LARS1: variants seen among roughly 807,000 people sequenced by gnomAD.
LARS1 encodes the protein leucine--tRNA ligase, cytoplasmic.
Under a neutral mutation model 162.8 loss-of-function variants are expected in LARS1, and 100 were observed. The ratio of observed to expected loss-of-function variants is 0.61; its 90% CI spans 0.52 to 0.73. The LOEUF is 0.73. LARS1 is among the 30% of genes least tolerant of loss of function. The pLI is 0.00. For missense variants in LARS1, 1,258 were observed against 1,408.9 expected (o/e 0.89, Z 1.71); for synonymous variants, 457 against 462.8 (o/e 0.99, Z 0.16).
intron 10 of LARS1, among the ~76,000 whole-genome samples, chr5:146,155,751 C>G (rs111692587): frequency 6.6e-6 from 1 of 152,176 alleles, no homozygotes; most frequent in South Asian, 2.1e-4. Context: ...ATGTCCCTCA[C>G]GCCAGAATTT....
At chr5:146,131,497 T>G (rs201774807) in intron 23 of LARS1, 67,879 of 131,018 alleles carry the variant, frequency 0.52, 15,160 homozygotes, top group East Asian at 0.71. Context: ...TTTTTTTTTT[T>G]TTTTTTTTTT....
chr5:146,174,288 C>T (rs1405070739), intron 2 of LARS1, among the ~76,000 whole-genome samples: 1 of 149,010 alleles, frequency 6.7e-6, no homozygotes, highest in Non-Finnish European at 1.5e-5. Context: ...TCTAGTAAAA[C>T]TACAAAATTA....
chr5:146,127,930 G>A (rs1028848431), intron 27 of LARS1, among the ~76,000 whole-genome samples: 6 of 152,006 alleles, frequency 3.9e-5, no homozygotes, highest in African/African-American at 1.4e-4. Context: ...TTTCCTTTAC[G>A]TTTCTTCTTT....
rs928272281 is a variant in LARS1 at position 146,161,362 on chromosome 5, T to C, written c.595-876A>G. Among the ~76,000 whole-genome samples the C allele has an allele frequency of 7.2e-5, 11 of 152,156 alleles. 1 individual carries two copies. The highest frequency in any genetic ancestry group is 2.7e-4 in the African/African-American group (11 of 41,424). ...AATGAAGTTTGCCACATCCATTGAC[T>C]CTTCCTTTCACAAAGATTTCTCTGT... On this transcript the variant is annotated intron_variant, in intron 6 of 31. Coordinates refer to ENST00000394434, the MANE Select transcript of LARS1 (RefSeq NM_020117.11).
intron 31 of LARS1, among the ~76,000 whole-genome samples, chr5:146,116,727 G>A (rs1257750886): frequency 6.6e-6 from 1 of 152,218 alleles, no homozygotes; most frequent in Non-Finnish European, 1.5e-5. Flanking sequence ...GGCATGGGTT[G>A]TGAGTGATTC....
chr5:146,126,661 G>C (rs1210560933), intron 27 of LARS1, 116 bp from the exon 28 acceptor site: 2 of 652,228 alleles, frequency 3.1e-6, no homozygotes, highest in African/African-American at 3.6e-5. Flanking sequence ...GAGAACAGCA[G>C]AAAAGTGTCC....
intron 1 of LARS1, 114 bp downstream of exon 1, chr5:146,182,374 A>G (rs1301129893): frequency 7.2e-7 from 1 of 1,396,490 alleles, no homozygotes; most frequent in East Asian, 2.3e-5. Flanking sequence ...GCACGCCTTA[A>G]GCGTGGCTCT....
intron 2 of LARS1, among the ~76,000 whole-genome samples, chr5:146,177,270 C>T (rs1754627840): frequency 6.6e-6 from 1 of 151,506 alleles, no homozygotes; most frequent in Non-Finnish European, 1.5e-5. Context: ...ATCGAGACCA[C>T]CCTGGCTAAC....
At chr5:146,147,612 C>T (rs912988178) in intron 15 of LARS1, among the ~76,000 whole-genome samples, 2 of 151,772 alleles carry the variant, frequency 1.3e-5, no homozygotes, top group Non-Finnish European at 2.9e-5. Flanking sequence ...AATAAAAGCA[C>T]ATAGTAAAGA....
Position 146,157,385 on chromosome 5 carries a change from A to G in LARS1, c.1065+18T>C. ...TGAAATTTACGCATTAAAATAAAAA[A>G]TCTGCTATCCAACTTACCTCCCCCA... On this transcript the variant is annotated intron_variant, in intron 10 of 31. Transcript: ENST00000394434. 1.9e-6 allele frequency: 3 copies of G among 1,599,768 alleles called. No homozygotes were observed. The highest frequency in any genetic ancestry group is 2.6e-6 in the Non-Finnish European group (3 of 1,168,546).
chr5:146,115,993 T>C (rs925827981), intron 31 of LARS1, among the ~76,000 whole-genome samples: 17 of 152,174 alleles, frequency 1.1e-4, no homozygotes, highest in African/African-American at 4.1e-4. Flanking sequence ...AAGTTATCCA[T>C]GCATTCTGTC....
chr5:146,140,058 TG>T, intron 21 of LARS1, 145 bp downstream of exon 21: 1 of 654,756 alleles, frequency 1.5e-6, no homozygotes, highest in East Asian at 3.0e-5. Context: ...CCTCCCACCT[TG>T]GCCTCCCAAA....
chr5:146,116,551 ACTGT>A (rs750655595), intron 31 of LARS1, among the ~76,000 whole-genome samples: 1 of 152,244 alleles, frequency 6.6e-6, no homozygotes, highest in Non-Finnish European at 1.5e-5. Context: ...TACTGGTTTA[ACTGT>A]CTTTTATCCC....
At chr5:146,140,057 T>C (rs1752703674) in intron 21 of LARS1, 147 bp downstream of exon 21, 1 of 654,106 alleles carries the variant, frequency 1.5e-6, no homozygotes, top group Non-Finnish European at 2.7e-6. Context: ...TCCTCCCACC[T>C]TGGCCTCCCA....
intron 1 of LARS1, among the ~76,000 whole-genome samples, chr5:146,179,470 A>G (rs987508330): frequency 1.3e-5 from 2 of 152,012 alleles, no homozygotes; most frequent in Non-Finnish European, 2.9e-5. Flanking sequence ...TCTGTAAAAT[A>G]TAATTTCTAA....
chr5:146,137,821 C>T (rs968101096), intron 21 of LARS1: 3 of 272,388 alleles, frequency 1.1e-5, no homozygotes, highest in Non-Finnish European at 2.2e-5. Flanking sequence ...GAACACACAG[C>T]TCTTCTTAAA....
chr5:146,128,703 G>A lies in LARS1; in HGVS notation c.2849C>T (p.Thr950Ile). The change falls in exon 27 of 32, where the codon ACC becomes ATC. Residue 950 changes from threonine to isoleucine, a missense_variant. By Grantham distance (89) the Thr-to-Ile change is moderately conservative (BLOSUM62 -1). Coordinates refer to ENST00000394434, the MANE Select transcript of LARS1 (RefSeq NM_020117.11). ...VAKNYPPWQH[T>I]TLSVLRKHFE... ...GTGTTTACGTAGAACAGACAGGGTGGTATGTTGCCAAGGTGGATAGTTCTT... is the reference window on the plus strand; with the variant it reads ...GTGTTTACGTAGAACAGACAGGGTGATATGTTGCCAAGGTGGATAGTTCTT... 1 of 1,589,866 alleles carries A rather than the reference G, an allele frequency of 6.3e-7. No individual in the cohort carries two copies.
At position 146,168,235 on chromosome 5, in the gene LARS1, C is replaced by G. The variant is rs750384410; in HGVS notation, c.325G>C (p.Glu109Gln). 2 of 1,613,008 alleles carry G rather than the reference C, an allele frequency of 1.2e-6. No individual in the cohort carries two copies. Among genetic ancestry groups the G allele is most frequent in the Admixed American group, 3.3e-5 (2 of 59,766 alleles). ...AAATCAGGGGGGCAACCATACAGCT[C>G]TATTTCTCTTTTCAACTTATCAGCA... is the stretch of plus-strand genomic sequence containing the variant. ...ACADKLKREI[E>Q]LYGCPPDFPD... Residue 109 changes from glutamate to glutamine, a missense_variant, in exon 5 of 32, where the codon GAG becomes CAG. Physicochemically the swap from Glu to Gln is conservative, Grantham distance 29 (BLOSUM62 2). Transcript: ENST00000394434.
In LARS1 at chr5:146,173,366, C is replaced by A. The variant is rs374133490; in HGVS notation, c.126-592G>T. 3.3e-5 allele frequency among the ~76,000 whole-genome samples: 5 copies of A among 151,302 alleles called. No homozygotes were observed. The East Asian group carries it at 7.7e-4, about 23-fold the overall frequency. On this transcript the variant is annotated intron_variant, in intron 2 of 31. Coordinates refer to ENST00000394434, the MANE Select transcript of LARS1 (RefSeq NM_020117.11). ...ACTCCATCTCAAAAAAAAAAAAATT[C>A]TTTAATACCCTTATGAACCTAGGCT...
Sources: allele counts gnomAD v4.1 joint callset (sites outside exome capture counted in the v4.1 genomes callset), GRCh38; gene constraint gnomAD v4.1.1; transcripts MANE v1.5; gene names NCBI Gene and HGNC (gene_info 2026-07-23, HGNC 2026-07-21).